The following IPO11 variants were observed in gnomAD, a reference collection of about 807,000 sequenced individuals.
IPO11 encodes the protein importin 11, also known as importin-11.
IPO11 carries 66 observed loss-of-function variants against 143.2 expected under a neutral mutation model. The observed-to-expected ratio is 0.46, with a 90% CI of 0.38 to 0.57. IPO11 has a LOEUF of 0.57. IPO11 is among the 20% of genes least tolerant of loss of function. IPO11 has a pLI of 0.00. For synonymous variants in IPO11, 385 were observed against 377.8 expected, an observed-to-expected ratio of 1.02 and a Z score of -0.22; for missense variants, 1,026 against 1,141.0, an observed-to-expected ratio of 0.90 and a Z score of 1.45.
chr5:62,550,393 C>T lies in IPO11; in HGVS notation c.2277C>T (p.Asn759=). 2 of 1,612,718 alleles carry T rather than the reference C, an allele frequency of 1.2e-6. No individual in the cohort carries two copies. Among genetic ancestry groups the T allele is most frequent in the Middle Eastern group, 1.7e-4 (1 of 6,052 alleles). The change falls in exon 25 of 30, where the codon AAC becomes AAT. Residue 759 remains asparagine (N), a synonymous_variant. Transcript: ENST00000325324. ...LKVVENALKV[N]PILGPQMFQP... The stretch of plus-strand genomic sequence containing the variant: ...TTGTGGAAAATGCCCTTAAAGTGAA[C>T]CCAATACTAGGTCCACAAATGTTTC...
intron 26 of IPO11, among the ~76,000 whole-genome samples, chr5:62,558,991 GGT>G (rs2094839131): frequency 1.3e-5 from 2 of 152,150 alleles, no homozygotes; most frequent in South Asian, 4.2e-4. Flanking sequence ...AGTGCACAAT[GGT>G]ATTATGTCTA....
At chr5:62,536,996 A>G (rs115641583) in intron 23 of IPO11, among the ~76,000 whole-genome samples, 154 of 152,170 alleles carry the variant, frequency 1.0e-3, no homozygotes, top group African/African-American at 3.6e-3. Flanking sequence ...AATTTTTTTT[A>G]TATTCCTATG....
At chr5:62,415,640 G>T (rs1310543685) in intron 1 of IPO11, among the ~76,000 whole-genome samples, 1 of 151,358 alleles carries the variant, frequency 6.6e-6, no homozygotes, top group African/African-American at 2.4e-5. Flanking sequence ...AGCTAATTTT[G>T]TATTTTTAGT....
chr5:62,431,934 CACATACATACATACAT>C (rs57913836), intron 1 of IPO11, among the ~76,000 whole-genome samples: 14 of 148,686 alleles, frequency 9.4e-5, no homozygotes, highest in Admixed American at 6.1e-4. Context: ...GAGCAAGACT[CACATACATACATACAT>C]ACATACATAC....
intron 1 of IPO11, among the ~76,000 whole-genome samples, chr5:62,420,475 A>G (rs1743473177): frequency 1.3e-5 from 2 of 152,296 alleles, no homozygotes; most frequent in African/African-American, 4.8e-5. Flanking sequence ...GTGATTTACT[A>G]CGACTTAGGA....
At chr5:62,488,348 T>G (rs1746485893) in intron 13 of IPO11, among the ~76,000 whole-genome samples, 1 of 152,248 alleles carries the variant, frequency 6.6e-6, no homozygotes, top group Non-Finnish European at 1.5e-5. Context: ...TGCTAGACTG[T>G]AAGTCCTAGG....
chr5:62,599,819 G>C (rs1374749021), intron 28 of IPO11, among the ~76,000 whole-genome samples: 1 of 152,138 alleles, frequency 6.6e-6, no homozygotes, highest in Admixed American at 6.5e-5. Context: ...TTAGAAATCT[G>C]TTAATTCTTA....
At chr5:62,423,204 T>C (rs1207554252) in intron 1 of IPO11, among the ~76,000 whole-genome samples, 1 of 152,226 alleles carries the variant, frequency 6.6e-6, no homozygotes, top group Non-Finnish European at 1.5e-5. Flanking sequence ...CTGTCTTTAC[T>C]CTGATAAAAT....
intron 19 of IPO11, among the ~76,000 whole-genome samples, chr5:62,514,517 G>A: frequency 6.6e-6 from 1 of 151,590 alleles, no homozygotes. Flanking sequence ...AGGCAGGGAG[G>A]CTGCAGAGAG....
chr5:62,454,438 G>A (rs1745052625), intron 5 of IPO11, among the ~76,000 whole-genome samples: 1 of 152,080 alleles, frequency 6.6e-6, no homozygotes, highest in South Asian at 2.1e-4. Context: ...GTTATTAAAG[G>A]CTACCAGTCT....
chr5:62,565,840 TC>T (rs1743919863), intron 27 of IPO11, among the ~76,000 whole-genome samples: 1 of 151,286 alleles, frequency 6.6e-6, no homozygotes, highest in Non-Finnish European at 1.5e-5. Flanking sequence ...CGGTGTGTTC[TC>T]ATTGTTCAAC....
intron 22 of IPO11, 87 bp downstream of exon 22, chr5:62,530,872 A>T: frequency 1.4e-5 from 14 of 1,006,842 alleles, no homozygotes; most frequent in Non-Finnish European, 2.0e-5. Context: ...GCATTACAAC[A>T]AAGTTGTAAG....
intron 20 of IPO11, among the ~76,000 whole-genome samples, chr5:62,520,917 A>G (rs1742181533): frequency 6.6e-6 from 1 of 152,214 alleles, no homozygotes; most frequent in African/African-American, 2.4e-5. Flanking sequence ...TAGATCCTTG[A>G]GGAATTGCCA....
intron 2 of IPO11, among the ~76,000 whole-genome samples, chr5:62,439,591 CTTTT>C (rs772635565): frequency 7.1e-6 from 1 of 140,328 alleles, no homozygotes; most frequent in Non-Finnish European, 1.6e-5. Flanking sequence ...CTGGCCCAGT[CTTTT>C]TTTTTTTTTT....
At chr5:62,587,766 A>G (rs1037885306) in intron 27 of IPO11, among the ~76,000 whole-genome samples, 1 of 152,156 alleles carries the variant, frequency 6.6e-6, no homozygotes, top group Non-Finnish European at 1.5e-5. Context: ...TGTTATAAGC[A>G]CTTTCCTTGT....
At chr5:62,479,852 G>A (rs1163122604) in intron 9 of IPO11, among the ~76,000 whole-genome samples, 2 of 152,302 alleles carry the variant, frequency 1.3e-5, no homozygotes, top group Middle Eastern at 3.4e-3. Context: ...TTTGTCAGAT[G>A]AGTAGATTGC....
At chr5:62,504,531 C>G (rs1381183079) in intron 16 of IPO11, 136 bp from the exon 17 acceptor site, 1 of 554,246 alleles carries the variant, frequency 1.8e-6, no homozygotes, top group African/African-American at 2.0e-5. Flanking sequence ...CCCTTTATTT[C>G]TGAATATTTA....
intron 27 of IPO11, among the ~76,000 whole-genome samples, chr5:62,568,567 C>T (rs141753756): frequency 7.6e-5 from 2 of 26,168 alleles, no homozygotes; most frequent in Admixed American, 1.1e-3. Context: ...GAGCAAGACT[C>T]TGTCTCCAAA....
chr5:62,463,353 T>C (rs1452791079), intron 5 of IPO11, among the ~76,000 whole-genome samples: 1 of 152,002 alleles, frequency 6.6e-6, no homozygotes. Flanking sequence ...GGGTGTACTT[T>C]ATATTTTGAT....
Sources: allele counts gnomAD v4.1 joint callset (sites outside exome capture counted in the v4.1 genomes callset), GRCh38; gene constraint gnomAD v4.1.1; transcripts MANE v1.5; gene names NCBI Gene and HGNC (gene_info 2026-07-23, HGNC 2026-07-21).